PRICKLE2: variants seen among roughly 807,000 people sequenced by gnomAD.
The protein encoded by PRICKLE2 is prickle-like protein 2.
PRICKLE2 carries 21 observed loss-of-function variants against 81.4 expected under a neutral mutation model. The ratio of observed to expected loss-of-function variants is 0.26; its 90% confidence interval spans 0.18 to 0.37. PRICKLE2 has a LOEUF of 0.37. Ranked by LOEUF, PRICKLE2 falls within the 10% of genes least tolerant of loss-of-function variation. PRICKLE2 has a pLI of 1.00. For synonymous variants in PRICKLE2, 456 were observed against 421.5 expected, an observed-to-expected ratio of 1.08 and a Z score of -1.00; for missense variants, 940 against 1,109.0, an observed-to-expected ratio of 0.85 and a Z score of 2.16.
At chr3:64,179,032 TTTC>T (rs1287731533) in intron 2 of PRICKLE2, among the ~76,000 whole-genome samples, 92 of 135,178 alleles carry the variant, frequency 6.8e-4, no homozygotes, top group African/African-American at 2.4e-3. Context: ...TCTTTCTTTC[TTTC>T]TTTTCTTTCC....
At chr3:64,150,998 G>A (rs984271987) in intron 6 of PRICKLE2, among the ~76,000 whole-genome samples, 1 of 152,174 alleles carries the variant, frequency 6.6e-6, no homozygotes, top group Non-Finnish European at 1.5e-5. Flanking sequence ...AGCCCTTTAA[G>A]TACTTCTTGG....
rs183127919 is a variant in PRICKLE2 at position 64,265,234 on chromosome 3, C to T, written c.129-66267G>A. ...CTAAGTATCCCAGAAAAGAATTCCT[C>T]ACCATTCAGATTTTGAGAAAATAAA... On this transcript the variant is annotated intron_variant, in intron 2 of 8. Transcript: ENST00000295902. Among the ~76,000 whole-genome samples, 15 of 152,272 alleles carry T rather than the reference C, an allele frequency of 9.9e-5. 1 individual carries two copies. Among genetic ancestry groups the T allele is most frequent in the Admixed American group, 8.5e-4 (13 of 15,292 alleles).
intron 7 of PRICKLE2, among the ~76,000 whole-genome samples, chr3:64,118,344 T>C (rs2076971550): frequency 6.6e-6 from 1 of 152,032 alleles, no homozygotes; most frequent in Admixed American, 6.6e-5. Context: ...AATTGACAAA[T>C]GGGATCTAAT....
rs147212770 is a variant in PRICKLE2 at position 64,164,188 on chromosome 3, C to G, written c.145-1059G>C. On this transcript the variant is annotated intron_variant, in intron 2 of 7. Transcript: ENST00000638394. ...GGGCGGCAGTTTGAGACCAGCCTGGCCAACACGGTGAAACCCCGCCTCTAC... is the reference window on the plus strand; with the variant it reads ...GGGCGGCAGTTTGAGACCAGCCTGGGCAACACGGTGAAACCCCGCCTCTAC... Among the ~76,000 whole-genome samples the G allele has an allele frequency of 3.3e-3, 507 of 152,092 alleles. 3 individuals carry two copies. The highest frequency in any genetic ancestry group is 0.011 in the African/African-American group (475 of 41,488).
chr3:64,163,369 G>A, intron 2 of PRICKLE2: 1 of 562,492 alleles, frequency 1.8e-6, no homozygotes, highest in Non-Finnish European at 3.2e-6. Context: ...GAAAAATAAA[G>A]CTAGTAAATT....
In PRICKLE2 at chr3:64,147,537, C is replaced by T. The variant is rs1180772773; in HGVS notation, c.953G>A (p.Gly318Asp). The change falls in exon 7 of 8, where the codon GGT becomes GAT. Residue 318 changes from glycine (G) to aspartate (D), a missense_variant. By Grantham distance (94) the Gly-to-Asp change is moderately conservative (BLOSUM62 -1). This residue lies in a region of PRICKLE2 where 670 missense variants were observed against 717.2 expected (regional missense o/e 0.93). Coordinates refer to ENST00000638394, the MANE Select transcript of PRICKLE2 (RefSeq NM_198859.4). The surrounding 1 kb of genome is among the most constrained non-coding windows in gnomAD (Gnocchi z 5.0). Reference sequence around the variant, plus strand: ...GAAGGCGGAATCAGAGGAGTCAGAACCATTGGGGTCTTCCCCAGCACTGCA... The same window carrying T: ...GAAGGCGGAATCAGAGGAGTCAGAATCATTGGGGTCTTCCCCAGCACTGCA... Reference protein sequence around the residue: ...RACSAGEDPNGSDSSDSAFQN... With the variant: ...RACSAGEDPNDSDSSDSAFQN... 3.7e-6 allele frequency: 6 copies of T among 1,614,236 alleles called. No individual in the cohort carries two copies. The highest frequency in any genetic ancestry group is 1.1e-5 in the South Asian group (1 of 91,090).
chr3:64,219,525 G>A (rs997822844), intron 1 of PRICKLE2, among the ~76,000 whole-genome samples: 2 of 152,148 alleles, frequency 1.3e-5, no homozygotes, highest in African/African-American at 2.4e-5. Context: ...GGTGTCTTCT[G>A]ACTTTCCAAG....
At chr3:64,232,376 T>C (rs545000070) in intron 2 of PRICKLE2, among the ~76,000 whole-genome samples, 9 of 152,356 alleles carry the variant, frequency 5.9e-5, no homozygotes, top group African/African-American at 1.7e-4. Context: ...AATCTAGAAA[T>C]TAGAGGAATT....
chr3:64,198,543 G>A (rs958989773), intron 2 of PRICKLE2, among the ~76,000 whole-genome samples: 3 of 152,158 alleles, frequency 2.0e-5, no homozygotes, highest in African/African-American at 7.2e-5. Flanking sequence ...GATGTTTCTA[G>A]ACAATCCTGG....
At chr3:64,159,678 A>G (rs374636755) in intron 4 of PRICKLE2, among the ~76,000 whole-genome samples, 1 of 152,120 alleles carries the variant, frequency 6.6e-6, no homozygotes, top group East Asian at 1.9e-4. Context: ...ACCTTCCTTA[A>G]AACTGCAGCC....
At chr3:64,219,591 CT>C (rs2078921158) in intron 1 of PRICKLE2, among the ~76,000 whole-genome samples, 1 of 152,188 alleles carries the variant, frequency 6.6e-6, no homozygotes, top group South Asian at 2.1e-4. Context: ...GAAGACACCC[CT>C]ATGTTCTGTT....
chr3:64,266,496 C>T (rs939671427), intron 2 of PRICKLE2, among the ~76,000 whole-genome samples: 1 of 152,122 alleles, frequency 6.6e-6, no homozygotes, highest in African/African-American at 2.4e-5. Context: ...CTCCCTAACC[C>T]CCACTTTTTG....
intron 2 of PRICKLE2, among the ~76,000 whole-genome samples, chr3:64,180,664 C>A (rs1047848383): frequency 5.9e-5 from 9 of 152,132 alleles, no homozygotes; most frequent in African/African-American, 2.2e-4. Context: ...TCCTGAGTAG[C>A]TGGGATTACA....
Position 64,147,802 on chromosome 3 carries a change from T to A in PRICKLE2, c.788-100A>T. On this transcript the variant is annotated intron_variant, in intron 6 of 7. Coordinates refer to ENST00000638394, the MANE Select transcript of PRICKLE2 (RefSeq NM_198859.4). The surrounding 1 kb of genome is among the most constrained non-coding windows in gnomAD (Gnocchi z 5.0). ...CCTTGGTTTGTCTCAGGATTCCAGGTGCGGCAGGATAAACTGTCAATAAAT... is the reference window on the plus strand; with the variant it reads ...CCTTGGTTTGTCTCAGGATTCCAGGAGCGGCAGGATAAACTGTCAATAAAT... The A allele has an allele frequency of 2.4e-6, 3 of 1,275,936 alleles. No individual in the cohort carries two copies. The allele number at this position is 1,275,936 out of a possible 1,614,324, so 79.0% of individuals were successfully genotyped here.
At chr3:64,202,478 T>G (rs1462025287) in intron 1 of PRICKLE2, among the ~76,000 whole-genome samples, 7 of 152,214 alleles carry the variant, frequency 4.6e-5, no homozygotes, top group Non-Finnish European at 5.9e-5. Flanking sequence ...CTTTTAAGTT[T>G]ATTCTTAAGT....
chr3:64,163,741 AT>A (rs759499926), intron 2 of PRICKLE2: 9 of 161,634 alleles, frequency 5.6e-5, no homozygotes, highest in Non-Finnish European at 1.2e-4. Flanking sequence ...ATCCCACAAC[AT>A]TCCTGTTTAC....
Position 64,099,304 on chromosome 3 carries a change from A to T in PRICKLE2, c.2282T>A (p.Phe761Tyr), listed in dbSNP as rs765569869. Residue 761 changes from phenylalanine to tyrosine, a missense_variant, in exon 8 of 8, where the codon TTT becomes TAT. Physicochemically the swap from Phe to Tyr is conservative, Grantham distance 22 (BLOSUM62 3). Coordinates refer to ENST00000638394, the MANE Select transcript of PRICKLE2 (RefSeq NM_198859.4). The surrounding 1 kb of genome is among the most constrained non-coding windows in gnomAD (Gnocchi z 4.3). ...GAAGTAGGGTCCCCAGCGGTCCCCA[A>T]AGGCATTCTGCAAAGCCAGGTCCGA... ...TVSDLALQNA[F>Y]GDRWGPYFAE... 73 of 1,614,080 alleles carry T rather than the reference A, an allele frequency of 4.5e-5. No homozygotes were observed. The highest frequency in any genetic ancestry group is 6.2e-5 in the Non-Finnish European group (73 of 1,180,034).
chr3:64,151,476 A>G (rs1439262753), intron 6 of PRICKLE2, among the ~76,000 whole-genome samples: 2 of 152,078 alleles, frequency 1.3e-5, no homozygotes, highest in Admixed American at 6.5e-5. Flanking sequence ...CAACAGAGAG[A>G]TTTTTTCTCT....
chr3:64,217,573 G>A (rs1575678757), intron 1 of PRICKLE2, among the ~76,000 whole-genome samples: 1 of 152,168 alleles, frequency 6.6e-6, no homozygotes, highest in Non-Finnish European at 1.5e-5. Context: ...ATTGGTAGGT[G>A]TTCAATACGT....
Sources: allele counts gnomAD v4.1 joint callset (sites outside exome capture counted in the v4.1 genomes callset), GRCh38; gene constraint gnomAD v4.1.1; regional missense constraint gnomAD v4.1.1; non-coding constraint Gnocchi (gnomAD v3.1); transcripts MANE v1.5; gene names NCBI Gene and HGNC (gene_info 2026-07-23, HGNC 2026-07-21).